TULP4: variants seen among roughly 807,000 people sequenced by gnomAD.
TULP4 encodes tubby-related protein 4.
In TULP4, 16 loss-of-function variants were observed where a neutral mutation model predicts 129.0. The observed-to-expected ratio is 0.12, with a 90% CI of 0.08 to 0.19. The LOEUF is 0.19. TULP4 is among the 10% of genes least tolerant of loss of function. The probability of loss-of-function intolerance (pLI) is 1.00; values close to 1 mark genes in which losing one functional copy is unlikely to be tolerated. For missense variants in TULP4, 1,842 were observed against 2,059.1 expected (o/e 0.89, Z 2.04); for synonymous variants, 998 against 854.0 (o/e 1.17, Z -2.94).
chr6:158,294,802 G>T (rs112940750), intron 1 of TULP4, among the ~76,000 whole-genome samples: 1,948 of 152,198 alleles, frequency 0.013, 52 homozygotes, highest in African/African-American at 0.044. Flanking sequence ...CGTGATCTCA[G>T]CTTACTGAAA....
chr6:158,483,492 C>G (rs1779994809), intron 8 of TULP4, among the ~76,000 whole-genome samples: 1 of 151,980 alleles, frequency 6.6e-6, no homozygotes, highest in South Asian at 2.1e-4. Context: ...ACCACACTTG[C>G]TAATTTTTGT....
At chr6:158,422,912 C>A (rs827961) in intron 2 of TULP4, among the ~76,000 whole-genome samples, 110,733 of 152,208 alleles carry the variant, frequency 0.73, 40,765 homozygotes, top group African/African-American at 0.79. Context: ...GGACAAGGGC[C>A]GGAAGGCGCC....
chr6:158,418,760 C>G (rs1778272047), intron 2 of TULP4, among the ~76,000 whole-genome samples: 1 of 152,098 alleles, frequency 6.6e-6, no homozygotes, highest in Non-Finnish European at 1.5e-5. Context: ...AAAGCAAGAC[C>G]AAGTCTCTAG....
chr6:158,292,959 T>TA (rs1778970925), intron 1 of TULP4, among the ~76,000 whole-genome samples: 1 of 152,208 alleles, frequency 6.6e-6, no homozygotes, highest in African/African-American at 2.4e-5. Flanking sequence ...CCCCCCTTTT[T>TA]AATGAAGGCA....
chr6:158,408,277 G>C (rs985518835), intron 1 of TULP4, among the ~76,000 whole-genome samples: 1 of 152,176 alleles, frequency 6.6e-6, no homozygotes, highest in Non-Finnish European at 1.5e-5. Flanking sequence ...TCCTGGCCAA[G>C]GGTGGCACGA....
chr6:158,355,139 A>G (rs1282807414), intron 1 of TULP4, among the ~76,000 whole-genome samples: 1 of 151,620 alleles, frequency 6.6e-6, no homozygotes, highest in Non-Finnish European at 1.5e-5. Context: ...TGGCACAGTT[A>G]TAGCTCACTG....
chr6:158,343,273 A>G lies in TULP4; in HGVS notation c.252+29005A>G, dbSNP rs138057240. Among the ~76,000 whole-genome samples, 100 of 152,256 alleles carry G rather than the reference A, an allele frequency of 6.6e-4. 1 individual carries two copies. The highest frequency in any genetic ancestry group is 2.1e-3 in the African/African-American group (86 of 41,544). On this transcript the variant is annotated intron_variant, in intron 1 of 13. Transcript: ENST00000367097. ...CAGATTCTGGTTGAAACTGTGTCCA[A>G]AATGGTGTTGTGATTTAGATTCTTC... is the stretch of plus-strand genomic sequence containing the variant.
chr6:158,501,832 C>T lies in TULP4; in HGVS notation c.2169C>T (p.Val723=). The T allele has an allele frequency of 4.3e-6, 7 of 1,614,142 alleles. No individual in the cohort carries two copies. Among genetic ancestry groups the T allele is most frequent in the Non-Finnish European group, 5.9e-6 (7 of 1,180,026 alleles). Residue 723 remains valine (V), a synonymous_variant, in exon 13 of 14, where the codon GTC becomes GTT. Transcript: ENST00000367097. ...CCAATCAGAATGTGCAGCTAGATGT[C>T]CTGACCAACCAGACGACAGCTGTAG... ...LLANQNVQLD[V]LTNQTTAVGT...
intron 3 of TULP4, among the ~76,000 whole-genome samples, chr6:158,444,467 C>A (rs937381614): frequency 2.6e-5 from 4 of 151,870 alleles, no homozygotes; most frequent in Non-Finnish European, 5.9e-5. Flanking sequence ...GAAAAAGTCA[C>A]CTCCTTCAGG....
At chr6:158,351,328 T>C (rs989430483) in intron 1 of TULP4, among the ~76,000 whole-genome samples, 2 of 152,218 alleles carry the variant, frequency 1.3e-5, no homozygotes, top group East Asian at 3.8e-4. Flanking sequence ...GCACTATATA[T>C]TTTTGTGCCT....
intron 3 of TULP4, among the ~76,000 whole-genome samples, chr6:158,448,595 T>G (rs576932444): frequency 6.6e-6 from 1 of 152,304 alleles, no homozygotes; most frequent in Non-Finnish European, 1.5e-5. Context: ...CTTTTTCTTC[T>G]AAATTTGAGA....
chr6:158,290,074 C>A (rs1028949508), intron 1 of TULP4, among the ~76,000 whole-genome samples: 5 of 151,840 alleles, frequency 3.3e-5, no homozygotes, highest in Non-Finnish European at 5.9e-5. Flanking sequence ...GTAGCTGGGA[C>A]CATAGGCGCA....
At chr6:158,233,473 G>T (rs1431185664) in intron 1 of TULP4, among the ~76,000 whole-genome samples, 2 of 152,224 alleles carry the variant, frequency 1.3e-5, no homozygotes, top group Non-Finnish European at 1.5e-5. Context: ...TCCGTGTCTG[G>T]GTTCTCCATT....
At chr6:158,462,144 C>T (rs983734956) in intron 6 of TULP4, among the ~76,000 whole-genome samples, 12 of 152,160 alleles carry the variant, frequency 7.9e-5, no homozygotes, top group Non-Finnish European at 1.6e-4. Flanking sequence ...GTATCTCCTG[C>T]ATACGTGGGA....
intron 1 of TULP4, among the ~76,000 whole-genome samples, chr6:158,327,302 C>G (rs116934696): frequency 0.032 from 4,842 of 152,158 alleles, 98 homozygotes; most frequent in Non-Finnish European, 0.041. Flanking sequence ...GCTTTAGTAA[C>G]TTTTTTCACA....
At chr6:158,425,280 G>T (rs542107582) in intron 2 of TULP4, among the ~76,000 whole-genome samples, 184 of 151,580 alleles carry the variant, frequency 1.2e-3, no homozygotes, top group Admixed American at 3.0e-3. Flanking sequence ...TTGGGAAGCC[G>T]AGGAGGGCCG....
intron 5 of TULP4, among the ~76,000 whole-genome samples, chr6:158,456,974 T>A (rs1399603061): frequency 6.6e-6 from 1 of 152,180 alleles, no homozygotes; most frequent in Non-Finnish European, 1.5e-5. Flanking sequence ...CCTTTACATG[T>A]GGTATGAATA....
At chr6:158,297,609 A>C (rs1439063221) in intron 1 of TULP4, among the ~76,000 whole-genome samples, 1 of 152,174 alleles carries the variant, frequency 6.6e-6, no homozygotes, top group Non-Finnish European at 1.5e-5. Flanking sequence ...TAAAAGTATT[A>C]ATTTTAGGAA....
At chr6:158,344,133 C>T (rs2114764007) in intron 1 of TULP4, among the ~76,000 whole-genome samples, 1 of 152,334 alleles carries the variant, frequency 6.6e-6, no homozygotes, top group South Asian at 2.1e-4. Flanking sequence ...TTCTCCCCAC[C>T]CTTGAGAATG....
Sources: gnomAD v4.1 joint callset for allele counts (sites outside exome capture counted in the v4.1 genomes callset) on GRCh38, gnomAD v4.1.1 for gene constraint, MANE v1.5 for transcripts, NCBI Gene and HGNC (gene_info 2026-07-23, HGNC 2026-07-21) for gene names.